ADGRL2: variants seen among roughly 807,000 people sequenced by gnomAD.
ADGRL2 encodes adhesion G protein-coupled receptor L2.
A neutral mutation model predicts 157.4 loss-of-function variants in ADGRL2; 44 were observed. That is an observed-to-expected ratio of 0.28 (90% CI 0.22 to 0.36). ADGRL2 has a LOEUF of 0.36. Ranked by LOEUF, ADGRL2 falls within the 10% of genes least tolerant of loss-of-function variation. The pLI is 1.00. For synonymous variants in ADGRL2, 585 were observed against 624.7 expected, an observed-to-expected ratio of 0.94 and a Z score of 0.95; for missense variants, 1,510 against 1,768.9, an observed-to-expected ratio of 0.85 and a Z score of 2.63.
At chr1:81,406,062 T>C (rs1282237331) in intron 1 of ADGRL2, among the ~76,000 whole-genome samples, 2 of 152,196 alleles carry the variant, frequency 1.3e-5, no homozygotes, top group African/African-American at 2.4e-5. Flanking sequence ...TCTTTAAGCA[T>C]ACATTAAAGT....
chr1:81,784,252 T>A (rs547277142), intron 2 of ADGRL2, among the ~76,000 whole-genome samples: 13 of 152,366 alleles, frequency 8.5e-5, no homozygotes, highest in Admixed American at 3.3e-4. Flanking sequence ...TAATCTTTAA[T>A]ATAGCTTTTA....
At chr1:81,702,292 C>T (rs770179300) in intron 1 of ADGRL2, among the ~76,000 whole-genome samples, 4 of 152,130 alleles carry the variant, frequency 2.6e-5, no homozygotes, top group Non-Finnish European at 4.4e-5. Context: ...TCAATATGAC[C>T]AGCTGAGAAA....
At chr1:81,895,822 C>T (rs998161282) in intron 2 of ADGRL2, among the ~76,000 whole-genome samples, 2 of 152,068 alleles carry the variant, frequency 1.3e-5, no homozygotes, top group Non-Finnish European at 2.9e-5. Context: ...AATTTTTACT[C>T]TGTTTGATCT....
intron 2 of ADGRL2, among the ~76,000 whole-genome samples, chr1:81,857,798 A>T (rs1044936429): frequency 2.0e-5 from 3 of 152,202 alleles, no homozygotes; most frequent in Admixed American, 6.6e-5. Context: ...AGACATTTTT[A>T]AAAATCCATT....
At chr1:81,789,135 T>C (rs2087203895) in intron 2 of ADGRL2, among the ~76,000 whole-genome samples, 1 of 152,316 alleles carries the variant, frequency 6.6e-6, no homozygotes, top group Middle Eastern at 3.4e-3. Flanking sequence ...ACAAACTACA[T>C]TTGTGGGCTA....
chr1:81,785,522 G>A (rs2087001051), intron 2 of ADGRL2, among the ~76,000 whole-genome samples: 1 of 152,002 alleles, frequency 6.6e-6, no homozygotes, highest in South Asian at 2.1e-4. Context: ...AAACCCAAGA[G>A]TTCCAGACCA....
chr1:81,839,874 T>TATATATATGATGGAATATATATATATA (rs2092473858), intron 2 of ADGRL2, among the ~76,000 whole-genome samples: 2 of 109,718 alleles, frequency 1.8e-5, no homozygotes, highest in East Asian at 4.9e-4. Flanking sequence ...TTTTCCATCA[T>TATATATATGATGGAATATATATATATA]ATATATATAT....
At chr1:81,873,463 G>C (rs983955476) in intron 2 of ADGRL2, among the ~76,000 whole-genome samples, 2 of 152,030 alleles carry the variant, frequency 1.3e-5, no homozygotes, top group Non-Finnish European at 2.9e-5. Context: ...TGATTGAAAT[G>C]TAAAAAAACC....
chr1:81,413,877 T>C (rs2076991108), intron 1 of ADGRL2, among the ~76,000 whole-genome samples: 1 of 152,152 alleles, frequency 6.6e-6, no homozygotes, highest in African/African-American at 2.4e-5. Context: ...TGTGGAAGTG[T>C]ACCAAAAATC....
intron 3 of ADGRL2, among the ~76,000 whole-genome samples, chr1:81,681,960 T>C (rs1178907550): frequency 1.3e-5 from 2 of 152,100 alleles, no homozygotes; most frequent in Non-Finnish European, 2.9e-5. Context: ...ATCCTAAATA[T>C]AGTGGGGAGA....
intron 1 of ADGRL2, among the ~76,000 whole-genome samples, chr1:81,340,462 G>C (rs1661991211): frequency 1.3e-5 from 2 of 152,156 alleles, no homozygotes; most frequent in South Asian, 4.2e-4. Context: ...GGGTAGCAGG[G>C]TCATCTGATT....
Position 81,955,977 on chromosome 1 carries a change from T to C in ADGRL2, c.1934T>C (p.Leu645Pro). 6.2e-7 allele frequency: 1 copy of C among 1,610,600 alleles called. No individual in the cohort carries two copies. Among genetic ancestry groups the C allele is most frequent in the Non-Finnish European group, 8.5e-7 (1 of 1,177,884 alleles). The change falls in exon 11 of 24, where the codon CTC (leucine) becomes CCC (proline). Residue 645 changes from leucine (L) to proline (P), a missense_variant. Leu to Pro is a moderately conservative substitution (Grantham distance 98, BLOSUM62 -3). Around this residue, in one of 4 missense-constraint regions of ADGRL2, gnomAD observed 325 missense variants for 333.2 expected, o/e 0.98. Transcript: ENST00000686636. ...SEQAHTATML[L>P]DTLEEGAFVL... is the part of the protein sequence containing the mutation. ...CAAGCACATACTGCAACAATGTTAC[T>C]CGATACATTGGAAGAAGGAGCTTTT...
At chr1:81,641,708 T>C (rs2082222083) in intron 3 of ADGRL2, among the ~76,000 whole-genome samples, 1 of 152,182 alleles carries the variant, frequency 6.6e-6, no homozygotes, top group Non-Finnish European at 1.5e-5. Flanking sequence ...TATAGCATTG[T>C]GTGCATATAT....
intron 1 of ADGRL2, among the ~76,000 whole-genome samples, chr1:81,814,540 G>C (rs964274951): frequency 6.6e-6 from 1 of 151,326 alleles, no homozygotes; most frequent in Non-Finnish European, 1.5e-5. Context: ...GAAGAGTCTA[G>C]AATGCAAAAT....
At chr1:81,905,562 C>T (rs116113608) in intron 2 of ADGRL2, among the ~76,000 whole-genome samples, 2,989 of 152,270 alleles carry the variant, frequency 0.02, 83 homozygotes, top group African/African-American at 0.067. Context: ...ACAACAACAA[C>T]AGTTAAAGGG....
intron 1 of ADGRL2, chr1:81,427,019 A>T: frequency 9.7e-7 from 1 of 1,026,340 alleles, no homozygotes; most frequent in Non-Finnish European, 1.5e-6. Flanking sequence ...GAAATACCAC[A>T]GTTGATAACA....
chr1:81,602,916 G>T (rs1007356451), intron 3 of ADGRL2, among the ~76,000 whole-genome samples: 1 of 133,342 alleles, frequency 7.5e-6, no homozygotes, highest in Non-Finnish European at 1.6e-5. Flanking sequence ...AAAAAAAAAA[G>T]TGTCCAATAC....
rs532949347 is a variant in ADGRL2 at position 81,335,380 on chromosome 1, C to A, written c.-302+28871C>A. On this transcript the variant is annotated intron_variant, in intron 1 of 24. Transcript: ENST00000370721. ...GAGCTGTATCTTAAATCAATAATTT[C>A]TGACTCGGTCCAGTGTCTTTCCAAT... 2.0e-5 allele frequency among the ~76,000 whole-genome samples: 3 copies of A among 152,246 alleles called. 1 individual carries two copies. Among genetic ancestry groups the A allele is most frequent in the African/African-American group, 7.2e-5 (3 of 41,546 alleles).
At chr1:81,489,288 T>TA (rs891864477) in intron 2 of ADGRL2, among the ~76,000 whole-genome samples, 3 of 151,066 alleles carry the variant, frequency 2.0e-5, no homozygotes, top group South Asian at 4.2e-4. Context: ...AAAAAGAAAC[T>TA]AAAAAAATCA....
Sources: allele counts gnomAD v4.1 joint callset (sites outside exome capture counted in the v4.1 genomes callset), GRCh38; gene constraint gnomAD v4.1.1; regional missense constraint gnomAD v4.1.1; transcripts MANE v1.5; gene names NCBI Gene and HGNC (gene_info 2026-07-23, HGNC 2026-07-21).